COG7: variants seen among roughly 807,000 people sequenced by gnomAD.
COG7 encodes component of oligomeric golgi complex 7.
Under a neutral mutation model 91.5 loss-of-function variants are expected in COG7, and 49 were observed. The ratio of observed to expected loss-of-function variants is 0.54; its 90% CI spans 0.43 to 0.68. The LOEUF (loss-of-function observed/expected upper bound fraction) is 0.68. COG7 is among the 30% of genes least tolerant of loss of function. The pLI is 0.00. For missense variants in COG7, 895 were observed against 961.3 expected, an observed-to-expected ratio of 0.93 and a Z score of 0.91; for synonymous variants, 365 against 388.7, an observed-to-expected ratio of 0.94 and a Z score of 0.72.
intron 13 of COG7, among the ~76,000 whole-genome samples, chr16:23,403,020 G>A (rs1339455580): frequency 6.6e-6 from 1 of 152,230 alleles, no homozygotes; most frequent in Non-Finnish European, 1.5e-5. Context: ...GGCCCTGAAG[G>A]GTCAGTAAGA....
intron 11 of COG7, among the ~76,000 whole-genome samples, chr16:23,409,093 GCA>G (rs1491304619): frequency 2.8e-4 from 33 of 119,932 alleles, no homozygotes; most frequent in East Asian, 1.1e-3. Flanking sequence ...GTGTGTGCGT[GCA>G]TGTGTGTGTG....
At chr16:23,411,982 G>A (rs1266026616) in intron 10 of COG7, among the ~76,000 whole-genome samples, 3 of 151,458 alleles carry the variant, frequency 2.0e-5, no homozygotes, top group Admixed American at 6.6e-5. Flanking sequence ...CCAGGTTCAA[G>A]CAATTCTCCT....
intron 14 of COG7, among the ~76,000 whole-genome samples, chr16:23,396,819 T>A (rs192538757): frequency 6.6e-6 from 1 of 152,308 alleles, no homozygotes; most frequent in Non-Finnish European, 1.5e-5. Flanking sequence ...GACTTGATAC[T>A]GCCCCAAATG....
intron 14 of COG7, among the ~76,000 whole-genome samples, chr16:23,393,912 G>C (rs887543766): frequency 6.6e-6 from 1 of 151,980 alleles, no homozygotes; most frequent in African/African-American, 2.4e-5. Flanking sequence ...ATGGTGGCAG[G>C]CACCTGTAAT....
intron 1 of COG7, chr16:23,446,484 C>T: frequency 6.9e-6 from 1 of 145,548 alleles, no homozygotes. Flanking sequence ...CAGAGTTTCG[C>T]TCTGTCACCC....
At chr16:23,452,435 C>T (rs979286796) in intron 1 of COG7, among the ~76,000 whole-genome samples, 44 of 151,964 alleles carry the variant, frequency 2.9e-4, no homozygotes, top group African/African-American at 1.0e-3. Context: ...TTGTGGGGCG[C>T]GGTGGCTCGC....
Position 23,452,835 on chromosome 16 carries a change from C to A in COG7, c.160G>T (p.Ala54Ser). The change falls in exon 1 of 17, where the codon GCC becomes TCC. Residue 54 changes from alanine to serine, a missense_variant. By Grantham distance (99) the Ala-to-Ser change is moderately conservative. Coordinates refer to ENST00000307149, the MANE Select transcript of COG7 (RefSeq NM_153603.4). ...LQLFIQEVNH[A>S]VEETSHQALQ... is the part of the protein sequence containing the mutation. The stretch of plus-strand genomic sequence containing the variant: ...GCCCCGAGCGGCTCACCCTCCACGG[C>A]GTGGTTCACCTCTTGGATGAACAGC... 6.2e-7 allele frequency: 1 copy of A among 1,612,618 alleles called. No individual in the cohort carries two copies. Among genetic ancestry groups the A allele is most frequent in the Non-Finnish European group, 8.5e-7 (1 of 1,179,582 alleles).
chr16:23,438,260 T>C (rs1166873274), intron 4 of COG7, among the ~76,000 whole-genome samples: 1 of 151,210 alleles, frequency 6.6e-6, no homozygotes, highest in African/African-American at 2.4e-5. Flanking sequence ...AATAACCCAA[T>C]ATAAAATTGG....
At chr16:23,432,292 T>C (rs1963946934) in intron 6 of COG7, among the ~76,000 whole-genome samples, 1 of 152,112 alleles carries the variant, frequency 6.6e-6, no homozygotes, top group Non-Finnish European at 1.5e-5. Flanking sequence ...TCAAATTCAT[T>C]CCAGCAAATG....
Position 23,418,198 on chromosome 16 carries a change from T to C in COG7, c.1137+502A>G, listed in dbSNP as rs999742259. Among the ~76,000 whole-genome samples the C allele has an allele frequency of 2.3e-4, 35 of 152,332 alleles. No homozygotes were observed. The East Asian group carries it at 2.3e-3, about 10-fold the overall frequency. ...AGCCTCTCATTTTGTTTAACCTTCA[T>C]TGGGGATTTTAAATAGAAAACTAGG... is the stretch of plus-strand genomic sequence containing the variant. On this transcript the variant is annotated intron_variant, in intron 8 of 16. Coordinates refer to ENST00000307149, the MANE Select transcript of COG7 (RefSeq NM_153603.4).
intron 3 of COG7, among the ~76,000 whole-genome samples, chr16:23,442,939 C>A (rs1964125281): frequency 6.6e-6 from 1 of 151,680 alleles, no homozygotes; most frequent in Non-Finnish European, 1.5e-5. Flanking sequence ...GAAGCTAAGG[C>A]AGGAGGATCA....
intron 11 of COG7, among the ~76,000 whole-genome samples, 155 bp from the exon 12 acceptor site, chr16:23,406,417 A>G (rs1403314130): frequency 6.6e-6 from 1 of 152,194 alleles, no homozygotes; most frequent in African/African-American, 2.4e-5. Context: ...GCTGCCCTTC[A>G]TCATTGAGGA....
chr16:23,433,887 G>T (rs1963972826), intron 5 of COG7, among the ~76,000 whole-genome samples: 1 of 151,872 alleles, frequency 6.6e-6, no homozygotes, highest in South Asian at 2.1e-4. Context: ...CTGCGGATGT[G>T]ATCCCCTCTC....
Position 23,406,115 on chromosome 16 carries a change from A to T in COG7, c.1623T>A (p.Ala541=), listed in dbSNP as rs1963456657. The T allele has an allele frequency of 6.2e-7, 1 of 1,614,082 alleles. No homozygotes were observed. The highest frequency in any genetic ancestry group is 1.3e-5 in the African/African-American group (1 of 74,924). The change falls in exon 12 of 17, where the codon GCT becomes GCA. Residue 541 remains alanine (A), a synonymous_variant. Transcript: ENST00000307149. The part of the protein sequence containing the change: ...EYNYLQKDNP[A]EYASLMEILY... Reference sequence around the variant, plus strand: ...GTATTTCCATTAAACTGGCATATTCAGCAGGGTTATCTTTCTGGAGGTAAT... The same window carrying T: ...GTATTTCCATTAAACTGGCATATTCTGCAGGGTTATCTTTCTGGAGGTAAT...
At chr16:23,394,885 A>G (rs1963260648) in intron 14 of COG7, 1 of 151,122 alleles carries the variant, frequency 6.6e-6, no homozygotes, top group African/African-American at 2.4e-5. Flanking sequence ...GGCTCACTGC[A>G]ACCTCCGCCT....
intron 12 of COG7, 98 bp from the exon 13 acceptor site, chr16:23,403,932 T>A: frequency 2.1e-6 from 3 of 1,435,522 alleles, no homozygotes; most frequent in African/African-American, 1.4e-5. Context: ...GAACTGGGGG[T>A]TCTATGCAAT....
At position 23,417,245 on chromosome 16, in the gene COG7, C is replaced by T. The variant is rs1838936448; in HGVS notation, c.1138-124G>A. On this transcript the variant is annotated intron_variant, in intron 8 of 16. Transcript: ENST00000307149. ...TTAATAACGATGTCAGAAATATAGT[C>T]CCAACGTTTGAATGCTTCTCTAGAG... The T allele has an allele frequency of 5.9e-6, 6 of 1,019,954 alleles. 1 individual carries two copies. In the Admixed American group the frequency reaches 9.6e-5, roughly 16 times the overall value. 63.2% of individuals were successfully genotyped at this position (1,019,954 alleles called of 1,614,324 possible).
At chr16:23,406,021 G>A in intron 12 of COG7, 55 bp downstream of exon 12, 2 of 1,521,180 alleles carry the variant, frequency 1.3e-6, no homozygotes, top group South Asian at 1.1e-5. Flanking sequence ...GGGAGAGGGT[G>A]AGTGATGAGA....
chr16:23,396,489 G>A (rs1043959259), intron 14 of COG7, among the ~76,000 whole-genome samples: 4 of 152,048 alleles, frequency 2.6e-5, no homozygotes, highest in African/African-American at 9.7e-5. Context: ...GACCAGCCTG[G>A]TCAACATGAC....
Sources: allele counts gnomAD v4.1 joint callset (sites outside exome capture counted in the v4.1 genomes callset), GRCh38; gene constraint gnomAD v4.1.1; transcripts MANE v1.5; gene names NCBI Gene and HGNC (gene_info 2026-07-23, HGNC 2026-07-21).